CHRM2: variants seen among roughly 807,000 people sequenced by gnomAD.
CHRM2 encodes the protein cholinergic receptor muscarinic 2, also known as muscarinic acetylcholine receptor M2.
Under a neutral mutation model 25.0 loss-of-function variants are expected in CHRM2, and 8 were observed. The ratio of observed to expected loss-of-function variants is 0.32; its 90% CI spans 0.19 to 0.58. The LOEUF is 0.58. Ranked by LOEUF, CHRM2 falls within the 20% of genes least tolerant of loss-of-function variation. The pLI is 0.88. For synonymous variants in CHRM2, 202 were observed against 205.7 expected, an observed-to-expected ratio of 0.98 and a Z score of 0.15; for missense variants, 440 against 567.1, an observed-to-expected ratio of 0.78 and a Z score of 2.28.
In CHRM2 at chr7:137,016,154, A is replaced by C; in HGVS notation, c.1289A>C (p.Tyr430Ser). The C allele has an allele frequency of 6.2e-7, 1 of 1,612,984 alleles. No homozygotes were observed. The highest frequency in any genetic ancestry group is 8.5e-7 in the Non-Finnish European group (1 of 1,179,332). ...TVWTIGYWLC[Y>S]INSTINPACY... is the part of the protein sequence containing the mutation. Reference sequence around the variant, plus strand: ...TGGACAATTGGTTACTGGCTTTGTTACATCAACAGCACTATCAACCCTGCC... The same window carrying C: ...TGGACAATTGGTTACTGGCTTTGTTCCATCAACAGCACTATCAACCCTGCC... The change falls in exon 4 of 4, where the codon TAC becomes TCC. Residue 430 changes from tyrosine to serine, a missense_variant. Transcript: ENST00000680005.
chr7:137,012,423 A>G (rs1804884959), intron 3 of CHRM2, among the ~76,000 whole-genome samples: 2 of 152,082 alleles, frequency 1.3e-5, no homozygotes, highest in Non-Finnish European at 2.9e-5. Context: ...GTTGCATTCC[A>G]TTAACATCAT....
intron 2 of CHRM2, among the ~76,000 whole-genome samples, chr7:136,970,906 C>T (rs1020537154): frequency 6.6e-6 from 1 of 152,052 alleles, no homozygotes; most frequent in Admixed American, 6.5e-5. Context: ...ATTGAGAAAC[C>T]ATGAGATGGG....
chr7:136,975,977 G>C (rs1476772511), intron 2 of CHRM2, among the ~76,000 whole-genome samples: 1 of 152,146 alleles, frequency 6.6e-6, no homozygotes. Context: ...GGGTGACACA[G>C]TGCTATGTTC....
chr7:136,984,914 A>G (rs752147994), intron 2 of CHRM2, among the ~76,000 whole-genome samples: 3 of 152,108 alleles, frequency 2.0e-5, no homozygotes, highest in Non-Finnish European at 2.9e-5. Context: ...GGAATCCTAG[A>G]GCATCTTTAA....
At chr7:136,905,204 T>C (rs1797465553) in intron 2 of CHRM2, among the ~76,000 whole-genome samples, 2 of 151,850 alleles carry the variant, frequency 1.3e-5, no homozygotes, top group Admixed American at 1.3e-4. Flanking sequence ...TCTTAGAATG[T>C]CTATATTTTG....
At chr7:136,940,851 A>G (rs918868429) in intron 2 of CHRM2, among the ~76,000 whole-genome samples, 2 of 152,178 alleles carry the variant, frequency 1.3e-5, no homozygotes, top group African/African-American at 4.8e-5. Flanking sequence ...CTTGGCTTTG[A>G]AATACCTTTA....
At chr7:136,972,085 T>A (rs1313937261) in intron 2 of CHRM2, among the ~76,000 whole-genome samples, 2 of 152,140 alleles carry the variant, frequency 1.3e-5, no homozygotes, top group East Asian at 3.9e-4. Flanking sequence ...TACTGAGCCT[T>A]GGAGGAATAG....
At chr7:136,984,989 T>C (rs1012545328) in intron 2 of CHRM2, among the ~76,000 whole-genome samples, 4 of 152,114 alleles carry the variant, frequency 2.6e-5, no homozygotes, top group African/African-American at 9.7e-5. Flanking sequence ...CCAGACTTAT[T>C]TGACAGTAGA....
chr7:136,942,334 A>C (rs1378993498), intron 2 of CHRM2, among the ~76,000 whole-genome samples: 3 of 152,118 alleles, frequency 2.0e-5, no homozygotes, highest in Non-Finnish European at 2.9e-5. Context: ...ATACTGGAGA[A>C]AGCAAGATTT....
At position 137,016,076 on chromosome 7, in the gene CHRM2, A is replaced by G; in HGVS notation, c.1211A>G (p.Asn404Ser). The change falls in exon 4 of 4, where the codon AAT becomes AGT. Residue 404 changes from asparagine to serine, a missense_variant. Asn to Ser is a conservative substitution (Grantham distance 46). This residue lies in a region of CHRM2 where 65 missense variants were observed against 108.9 expected (regional missense o/e 0.60). Transcript: ENST00000680005. ...TTCATCATCACTTGGGCCCCATACAATGTCATGGTGCTCATTAACACCTTT... is the reference window on the plus strand; with the variant it reads ...TTCATCATCACTTGGGCCCCATACAGTGTCATGGTGCTCATTAACACCTTT... ...LAFIITWAPY[N>S]VMVLINTFCA... The G allele has an allele frequency of 6.2e-7, 1 of 1,612,458 alleles. No homozygotes were observed. Among genetic ancestry groups the G allele is most frequent in the Non-Finnish European group, 8.5e-7 (1 of 1,179,168 alleles).
intron 2 of CHRM2, among the ~76,000 whole-genome samples, chr7:136,962,400 G>T (rs1353313730): frequency 1.3e-5 from 2 of 152,158 alleles, no homozygotes; most frequent in Non-Finnish European, 2.9e-5. Flanking sequence ...CTCCCAATGT[G>T]CTGGGATTAC....
chr7:136,981,281 T>C (rs1334642057), intron 2 of CHRM2, among the ~76,000 whole-genome samples: 1 of 152,204 alleles, frequency 6.6e-6, no homozygotes, highest in Non-Finnish European at 1.5e-5. Flanking sequence ...GTGGGATCAG[T>C]GGTAATATCA....
chr7:136,868,967 G>A lies in CHRM2; in HGVS notation c.-308G>A, dbSNP rs1413098302. 6.6e-6 allele frequency: 1 copy of A among 152,312 alleles called. No homozygotes were observed. Among genetic ancestry groups the A allele is most frequent in the Non-Finnish European group, 1.5e-5 (1 of 68,128 alleles). The allele number at this position is 152,312 out of a possible 1,614,324, so 9.4% of individuals were successfully genotyped here. On this transcript the variant is annotated 5_prime_UTR_variant, in exon 1 of 4. Coordinates refer to ENST00000680005, the MANE Select transcript of CHRM2 (RefSeq NM_001006630.2). ...GCATCCAGGTCTCCATTCTATTTTG[G>A]TCTCCAGGCTCTTCGTGAAAGCCAG...
At chr7:136,992,722 ACTCT>A (rs995480320) in intron 3 of CHRM2, among the ~76,000 whole-genome samples, 1 of 151,240 alleles carries the variant, frequency 6.6e-6, no homozygotes, top group Middle Eastern at 3.2e-3. Context: ...GGATTGACTG[ACTCT>A]CTCTCTCCCT....
chr7:137,013,609 T>A lies in CHRM2; in HGVS notation c.-46-1211T>A, dbSNP rs140854915. ...TATCTCTTTGATGAATTCTTAACTT[T>A]CTTTTCTAAATCCCCAATATACATT... On this transcript the variant is annotated intron_variant, in intron 3 of 3. Coordinates refer to ENST00000680005, the MANE Select transcript of CHRM2 (RefSeq NM_001006630.2). Among the ~76,000 whole-genome samples, 982 of 152,128 alleles carry A rather than the reference T, an allele frequency of 6.5e-3. 11 individuals carry two copies. The highest frequency in any genetic ancestry group is 0.023 in the African/African-American group (937 of 41,552).
chr7:136,978,484 G>T (rs1245666937), intron 2 of CHRM2, among the ~76,000 whole-genome samples: 2 of 152,080 alleles, frequency 1.3e-5, no homozygotes, highest in African/African-American at 4.8e-5. Context: ...TAAGTTTTGG[G>T]ATACATGGGC....
At chr7:136,979,396 G>A (rs1214937668) in intron 2 of CHRM2, among the ~76,000 whole-genome samples, 1 of 152,176 alleles carries the variant, frequency 6.6e-6, no homozygotes, top group Non-Finnish European at 1.5e-5. Flanking sequence ...TCTGTAGGTT[G>A]CCTGTTCACT....
At chr7:136,898,137 G>C (rs376649397) in intron 2 of CHRM2, among the ~76,000 whole-genome samples, 2 of 152,072 alleles carry the variant, frequency 1.3e-5, no homozygotes, top group African/African-American at 4.8e-5. Flanking sequence ...CAGAGGGTTC[G>C]TTTACAATTA....
At chr7:136,942,321 T>C (rs1799821487) in intron 2 of CHRM2, among the ~76,000 whole-genome samples, 1 of 152,154 alleles carries the variant, frequency 6.6e-6, no homozygotes, top group Admixed American at 6.5e-5. Context: ...TTAACTTCTT[T>C]ATATACTGGA....
Sources: allele counts gnomAD v4.1 joint callset (sites outside exome capture counted in the v4.1 genomes callset), GRCh38; gene constraint gnomAD v4.1.1; regional missense constraint gnomAD v4.1.1; transcripts MANE v1.5; gene names NCBI Gene and HGNC (gene_info 2026-07-23, HGNC 2026-07-21).